The following ASIC2 variants were observed in gnomAD, a reference collection of about 807,000 sequenced individuals.
ASIC2 encodes acid-sensing ion channel 2.
Under a neutral mutation model 57.3 loss-of-function variants are expected in ASIC2, and 25 were observed. The ratio of observed to expected loss-of-function variants is 0.44; its 90% CI spans 0.32 to 0.61. ASIC2 has a LOEUF of 0.61. ASIC2 is among the 20% of genes least tolerant of loss of function. The probability of loss-of-function intolerance (pLI) is 0.06; values close to 1 mark genes in which losing one functional copy is unlikely to be tolerated. For synonymous variants in ASIC2, 319 were observed against 307.5 expected, an observed-to-expected ratio of 1.04 and a Z score of -0.39; for missense variants, 641 against 738.1, an observed-to-expected ratio of 0.87 and a Z score of 1.52.
At chr17:33,770,958 G>A (rs922481549) in intron 1 of ASIC2, among the ~76,000 whole-genome samples, 3 of 152,106 alleles carry the variant, frequency 2.0e-5, no homozygotes, top group African/African-American at 7.2e-5. Flanking sequence ...TGTGGTCAAT[G>A]GGCTATCAGC....
chr17:33,500,827 G>T (rs1914079165), intron 1 of ASIC2, among the ~76,000 whole-genome samples: 1 of 152,228 alleles, frequency 6.6e-6, no homozygotes. Context: ...CACACAGAAG[G>T]CACTCAAAGC....
intron 1 of ASIC2, among the ~76,000 whole-genome samples, chr17:34,149,010 G>T (rs1252379196): frequency 2.6e-5 from 4 of 152,034 alleles, no homozygotes; most frequent in African/African-American, 9.7e-5. Flanking sequence ...GGCTGAATAG[G>T]AGTACTCCCA....
intron 1 of ASIC2, among the ~76,000 whole-genome samples, chr17:33,311,392 G>T (rs1906415943): frequency 6.6e-6 from 1 of 151,022 alleles, no homozygotes; most frequent in Non-Finnish European, 1.5e-5. Context: ...CCTAGCAATT[G>T]TGTGTGTTTG....
chr17:33,403,816 T>G (rs1363120057), intron 1 of ASIC2, among the ~76,000 whole-genome samples: 2 of 152,194 alleles, frequency 1.3e-5, no homozygotes, highest in Non-Finnish European at 2.9e-5. Context: ...GTGAACAGTT[T>G]ACAGGTGAAG....
At chr17:34,077,779 G>C (rs1909725190) in intron 1 of ASIC2, among the ~76,000 whole-genome samples, 1 of 152,006 alleles carries the variant, frequency 6.6e-6, no homozygotes, top group Non-Finnish European at 1.5e-5. Context: ...AGATAATGAA[G>C]CTAAGTGCCC....
chr17:33,291,936 C>T lies in ASIC2; in HGVS notation c.180G>A (p.Ser60=). The T allele has an allele frequency of 7.8e-6, 12 of 1,545,602 alleles. No homozygotes were observed. Among genetic ancestry groups the T allele is most frequent in the Non-Finnish European group, 9.5e-6 (11 of 1,154,736 alleles). ...GPGVARRGRP[S]LSRAKLHGLR... ...GCCCGTGCAGTTTAGCGCGGCTCAG[C>T]GATGGCCGCCCCCTGCGGGCGACCC... The change falls in exon 1 of 10, where the codon TCG becomes TCA. Residue 60 remains serine, a synonymous_variant. Transcript: ENST00000225823.
intron 1 of ASIC2, among the ~76,000 whole-genome samples, chr17:33,226,345 G>T (rs1161822529): frequency 6.6e-6 from 1 of 152,214 alleles, no homozygotes; most frequent in African/African-American, 2.4e-5. Flanking sequence ...ATGAAGGCAA[G>T]AAAGTCTTAG....
intron 1 of ASIC2, among the ~76,000 whole-genome samples, chr17:34,131,207 A>T (rs1395733195): frequency 1.3e-5 from 2 of 152,182 alleles, no homozygotes; most frequent in African/African-American, 4.8e-5. Flanking sequence ...GATTGGCAAG[A>T]CAATAGAGAG....
At chr17:33,130,698 G>C (rs1228156438) in intron 1 of ASIC2, among the ~76,000 whole-genome samples, 1 of 152,204 alleles carries the variant, frequency 6.6e-6, no homozygotes, top group Non-Finnish European at 1.5e-5. Context: ...CCTGGAGGGG[G>C]GGACTTGGCT....
intron 1 of ASIC2, among the ~76,000 whole-genome samples, chr17:33,722,492 T>A (rs1191215758): frequency 6.6e-6 from 1 of 151,902 alleles, no homozygotes; most frequent in Non-Finnish European, 1.5e-5. Flanking sequence ...AGGCTGGGTG[T>A]GGTGTGGCCC....
intron 1 of ASIC2, among the ~76,000 whole-genome samples, chr17:33,218,871 G>T (rs1907596883): frequency 6.6e-6 from 1 of 152,110 alleles, no homozygotes; most frequent in South Asian, 2.1e-4. Context: ...TAACAGGGCG[G>T]GGGGGCTACT....
chr17:33,712,685 G>A (rs1427388541), intron 1 of ASIC2, among the ~76,000 whole-genome samples: 3 of 115,674 alleles, frequency 2.6e-5, no homozygotes, highest in Admixed American at 1.3e-4. Context: ...TTGCTCTGTC[G>A]CCCAGGCTGG....
intron 2 of ASIC2, among the ~76,000 whole-genome samples, chr17:33,089,363 A>C (rs1217070583): frequency 6.6e-6 from 1 of 152,186 alleles, no homozygotes; most frequent in Admixed American, 6.5e-5. Flanking sequence ...CCAGGGATGC[A>C]GGTAGCTTCT....
At chr17:33,506,922 G>C (rs1465045819) in intron 1 of ASIC2, among the ~76,000 whole-genome samples, 1 of 152,168 alleles carries the variant, frequency 6.6e-6, no homozygotes, top group Non-Finnish European at 1.5e-5. Context: ...ACTAAACATG[G>C]TCTTCACTGC....
intron 1 of ASIC2, among the ~76,000 whole-genome samples, chr17:33,946,352 C>T (rs1904375344): frequency 1.3e-5 from 2 of 152,232 alleles, no homozygotes; most frequent in African/African-American, 2.4e-5. Flanking sequence ...AATCACAGTG[C>T]CCTCTGCTGT....
At chr17:34,076,984 G>C (rs184508388) in intron 1 of ASIC2, among the ~76,000 whole-genome samples, 1 of 152,146 alleles carries the variant, frequency 6.6e-6, no homozygotes, top group African/African-American at 2.4e-5. Flanking sequence ...CATTTCTCAC[G>C]GGCTGTCTCA....
chr17:33,116,912 C>T (rs1344480858), intron 1 of ASIC2, among the ~76,000 whole-genome samples: 5 of 150,294 alleles, frequency 3.3e-5, no homozygotes, highest in Admixed American at 6.6e-5. Flanking sequence ...TGCAGTGGCA[C>T]GATCACAACT....
intron 1 of ASIC2, among the ~76,000 whole-genome samples, chr17:33,689,998 G>A (rs1019156232): frequency 2.6e-5 from 4 of 152,212 alleles, no homozygotes; most frequent in African/African-American, 9.6e-5. Flanking sequence ...AGAAACTTTT[G>A]TTGTTTCTGT....
At chr17:33,509,409 A>G (rs902479692) in intron 1 of ASIC2, among the ~76,000 whole-genome samples, 4 of 152,180 alleles carry the variant, frequency 2.6e-5, no homozygotes, top group African/African-American at 9.7e-5. Flanking sequence ...TAGGGAGCTT[A>G]ACCTCTTCCT....
Sources: allele counts gnomAD v4.1 joint callset (sites outside exome capture counted in the v4.1 genomes callset), GRCh38; gene constraint gnomAD v4.1.1; transcripts MANE v1.5; gene names NCBI Gene and HGNC (gene_info 2026-07-23, HGNC 2026-07-21).